Variants in UPP2 observed in about 807,000 individuals in gnomAD.
UPP2 encodes UPase 2.
Under a neutral mutation model 26.7 loss-of-function variants are expected in UPP2, and 23 were observed. The observed-to-expected ratio is 0.86, with a 90% CI of 0.62 to 1.22. The LOEUF is 1.22. Among genes scored for constraint, UPP2 ranks in the 50% most tolerant of loss-of-function variants. UPP2 has a pLI of 0.00. For missense variants in UPP2, 387 were observed against 396.7 expected, an observed-to-expected ratio of 0.98 and a Z score of 0.21; for synonymous variants, 127 against 141.3, an observed-to-expected ratio of 0.90 and a Z score of 0.72.
intron 2 of UPP2, among the ~76,000 whole-genome samples, chr2:158,014,494 C>G (rs1166562623): frequency 6.6e-6 from 1 of 152,202 alleles, no homozygotes; most frequent in East Asian, 1.9e-4. Flanking sequence ...AGCACTCCAT[C>G]TCTTATTAAA....
chr2:158,053,610 G>A (rs1274936908), intron 3 of UPP2, among the ~76,000 whole-genome samples: 1 of 152,104 alleles, frequency 6.6e-6, no homozygotes, highest in Non-Finnish European at 1.5e-5. Context: ...GGATGGATAG[G>A]GCTTTGATTT....
intron 3 of UPP2, among the ~76,000 whole-genome samples, chr2:158,089,586 C>A (rs1382145220): frequency 6.6e-6 from 1 of 152,220 alleles, no homozygotes; most frequent in Non-Finnish European, 1.5e-5. Flanking sequence ...CTGGTCATTT[C>A]CCAGTTCCTC....
At position 158,018,821 on chromosome 2, in the gene UPP2, T is replaced by C. The variant is rs531688132; in HGVS notation, c.147+2935T>C. Among the ~76,000 whole-genome samples, 6 of 152,300 alleles carry C rather than the reference T, an allele frequency of 3.9e-5. No homozygotes were observed. In the East Asian group the frequency reaches 1.2e-3, roughly 29 times the overall value. ...CTTGGATCTTTATATCTCCTTTTCCTAGGAGCTCTGTGAAAACGGCCATAT... is the reference window on the plus strand; with the variant it reads ...CTTGGATCTTTATATCTCCTTTTCCCAGGAGCTCTGTGAAAACGGCCATAT... On this transcript the variant is annotated intron_variant, in intron 3 of 9. Coordinates refer to the UPP2 transcript ENST00000605860.
chr2:158,042,631 C>T (rs1574259809), intron 3 of UPP2, among the ~76,000 whole-genome samples: 1 of 152,162 alleles, frequency 6.6e-6, no homozygotes. Flanking sequence ...GTTTCTGCAG[C>T]CAAACCCTGG....
intron 2 of UPP2, among the ~76,000 whole-genome samples, chr2:158,003,239 G>C (rs1300769360): frequency 6.6e-6 from 1 of 152,138 alleles, no homozygotes; most frequent in East Asian, 1.9e-4. Flanking sequence ...ACAAGGTCTT[G>C]GAGGTTGTAG....
Position 157,996,200 on chromosome 2 carries a change from T to G in UPP2, c.61+941T>G, listed in dbSNP as rs935783917. On this transcript the variant is annotated intron_variant, in intron 2 of 9. Transcript: ENST00000605860. ...ATGATTGTAGAGGCAACATTGCCTC[T>G]CTCCACTGGAGAGAAGAGCTTTTCT... is the stretch of plus-strand genomic sequence containing the variant. 1.1e-4 allele frequency among the ~76,000 whole-genome samples: 16 copies of G among 152,228 alleles called. 1 individual carries two copies. The highest frequency in any genetic ancestry group is 4.6e-4 in the Admixed American group (7 of 15,278).
chr2:158,028,263 T>C (rs1259415397), intron 3 of UPP2, among the ~76,000 whole-genome samples: 2 of 152,184 alleles, frequency 1.3e-5, no homozygotes, highest in Non-Finnish European at 2.9e-5. Flanking sequence ...TCAAGTCATC[T>C]CTTGAATGCT....
In UPP2 at chr2:158,106,229, C is replaced by A; in HGVS notation, c.180+13C>A. On this transcript the variant is annotated intron_variant, in intron 2 of 6. Transcript: ENST00000005756. ...TGGAGATGTAAAGGTAAAAACATTT[C>A]TAATTTCAGGAAAAATGATTGAGTT... The A allele has an allele frequency of 6.3e-7, 1 of 1,592,200 alleles. No individual in the cohort carries two copies.
At chr2:158,088,338 A>C (rs1014923448) in intron 3 of UPP2, among the ~76,000 whole-genome samples, 1 of 151,976 alleles carries the variant, frequency 6.6e-6, no homozygotes, top group Admixed American at 6.6e-5. Context: ...AGAAGTAGTG[A>C]TTGTTTTTTA....
At chr2:158,093,925 AT>A (rs1156334013) in intron 3 of UPP2, among the ~76,000 whole-genome samples, 2 of 151,270 alleles carry the variant, frequency 1.3e-5, no homozygotes, top group African/African-American at 4.8e-5. Flanking sequence ...TGGAAGCAAC[AT>A]AAAAAAGCCA....
chr2:158,088,498 C>G (rs898663188), intron 3 of UPP2, among the ~76,000 whole-genome samples: 1 of 152,150 alleles, frequency 6.6e-6, no homozygotes, highest in Non-Finnish European at 1.5e-5. Flanking sequence ...GAGATTTCCT[C>G]TTGGTTTGGA....
chr2:158,070,594 A>G (rs1682522751), intron 3 of UPP2, among the ~76,000 whole-genome samples: 1 of 152,194 alleles, frequency 6.6e-6, no homozygotes, highest in African/African-American at 2.4e-5. Context: ...TAATTAAGCC[A>G]CTGTTTATGG....
chr2:158,009,896 C>T (rs1683549336), intron 2 of UPP2, among the ~76,000 whole-genome samples: 2 of 152,196 alleles, frequency 1.3e-5, no homozygotes, highest in South Asian at 4.1e-4. Flanking sequence ...TTTGGATTTT[C>T]TAAAAACGTG....
At chr2:158,000,301 C>A (rs985775548) in intron 2 of UPP2, among the ~76,000 whole-genome samples, 8 of 152,132 alleles carry the variant, frequency 5.3e-5, no homozygotes, top group African/African-American at 1.7e-4. Flanking sequence ...GATCACTGCC[C>A]AGCTGAAGAA....
At chr2:158,039,027 A>G (rs1684046789) in intron 3 of UPP2, among the ~76,000 whole-genome samples, 1 of 152,198 alleles carries the variant, frequency 6.6e-6, no homozygotes, top group Non-Finnish European at 1.5e-5. Context: ...CCCTGTTCCC[A>G]ATTAAATCAA....
intron 3 of UPP2, among the ~76,000 whole-genome samples, chr2:158,034,342 A>C (rs896433268): frequency 6.6e-6 from 1 of 152,210 alleles, no homozygotes; most frequent in African/African-American, 2.4e-5. Flanking sequence ...TTCCTCTTCC[A>C]GTGCAGAAGC....
chr2:158,026,083 G>T (rs780813134), intron 3 of UPP2, among the ~76,000 whole-genome samples: 1 of 152,026 alleles, frequency 6.6e-6, no homozygotes, highest in Non-Finnish European at 1.5e-5. Flanking sequence ...TGTATCTCCC[G>T]TCGTGCTCTT....
chr2:158,106,052 T>G, intron 1 of UPP2, 47 bp from the exon 2 acceptor site: 1 of 1,394,828 alleles, frequency 7.2e-7, no homozygotes, highest in East Asian at 2.4e-5. Flanking sequence ...TTGTGAGCTT[T>G]CTCTCAAAAT....
chr2:157,995,264 G>T, intron 2 of UPP2: 2 of 1,613,606 alleles, frequency 1.2e-6, no homozygotes, highest in Non-Finnish European at 1.7e-6. Context: ...CTGAAGGTTA[G>T]TGAGGGAAGA....
Sources: allele counts gnomAD v4.1 joint callset (sites outside exome capture counted in the v4.1 genomes callset), GRCh38; gene constraint gnomAD v4.1.1; transcripts MANE v1.5; gene names NCBI Gene and HGNC (gene_info 2026-07-23, HGNC 2026-07-21).